Variants in RPH3AL observed in about 807,000 individuals in gnomAD.
RPH3AL encodes the protein rab effector Noc2.
Under a neutral mutation model 43.1 loss-of-function variants are expected in RPH3AL, and 38 were observed. The ratio of observed to expected loss-of-function variants is 0.88; its 90% confidence interval spans 0.68 to 1.15. The LOEUF (loss-of-function observed/expected upper bound fraction) is 1.15. RPH3AL is among the 50% of genes most tolerant of loss of function. The pLI, the probability that RPH3AL is intolerant of heterozygous loss-of-function variation, is 0.00. For synonymous variants in RPH3AL, 189 were observed against 176.3 expected, an observed-to-expected ratio of 1.07 and a Z score of -0.57; for missense variants, 462 against 423.2, an observed-to-expected ratio of 1.09 and a Z score of -0.81.
intron 1 of RPH3AL, among the ~76,000 whole-genome samples, chr17:344,234 TTACA>T (rs1420377410): frequency 7.8e-6 from 1 of 127,940 alleles, no homozygotes; most frequent in Non-Finnish European, 1.8e-5. Context: ...ACCATCACTG[TTACA>T]TCATCATCAT....
At chr17:345,929 G>A (rs2045230961) in intron 1 of RPH3AL, among the ~76,000 whole-genome samples, 1 of 135,288 alleles carries the variant, frequency 7.4e-6, no homozygotes, top group African/African-American at 2.5e-5. Flanking sequence ...AGTGGGCTCT[G>A]AGTCTCGAAG....
chr17:252,498 C>T (rs1279898060), intron 6 of RPH3AL, among the ~76,000 whole-genome samples: 3 of 152,138 alleles, frequency 2.0e-5, no homozygotes, highest in African/African-American at 7.2e-5. Context: ...CCCACCCTGT[C>T]CCCCAACACC....
rs760211086 is a variant in RPH3AL, at chr17:219,726, A to G, written c.624T>C (p.Ser208=). ...YTWARGRVVS[S]DSDSDSDLSS... is the part of the protein sequence containing the mutation. ...TAAGATCCGAGTCACTGTCACTGTC[A>G]CTGGAAACCACTGGAAGAGACAGAC... Residue 208 remains serine (S), a synonymous_variant, in exon 8 of 10, where the codon AGT becomes AGC. Transcript: ENST00000331302. 1 of 1,611,096 alleles carries G rather than the reference A, an allele frequency of 6.2e-7. No individual in the cohort carries two copies. Among genetic ancestry groups the G allele is most frequent in the South Asian group, 1.1e-5 (1 of 91,028 alleles).
At chr17:316,396 CATTGT>C (rs2044188737) in intron 5 of RPH3AL, among the ~76,000 whole-genome samples, 1 of 151,506 alleles carries the variant, frequency 6.6e-6, no homozygotes, top group South Asian at 2.1e-4. Context: ...CACCCACCTC[CATTGT>C]CCTGTAGTCC....
intron 6 of RPH3AL, among the ~76,000 whole-genome samples, chr17:272,993 G>GGAGAGACCCCAGCGAGGGCGAC (rs1408697689): frequency 1.7e-5 from 2 of 118,362 alleles, no homozygotes; most frequent in African/African-American, 5.6e-5. Context: ...GCTACGTCAG[G>GGAGAGACCCCAGCGAGGGCGAC]GTGAGACCCC....
At chr17:214,918 G>A (rs977063225) in intron 9 of RPH3AL, among the ~76,000 whole-genome samples, 3 of 152,140 alleles carry the variant, frequency 2.0e-5, no homozygotes, top group Non-Finnish European at 4.4e-5. Flanking sequence ...TAGAGGGAGG[G>A]GGCAGGGTCC....
intron 1 of RPH3AL, among the ~76,000 whole-genome samples, chr17:340,446 A>T (rs370234753): frequency 6.6e-4 from 4 of 6,096 alleles, no homozygotes; most frequent in East Asian, 3.2e-3. Context: ...ACTGCCCCCC[A>T]CCCAGGCCTC....
At chr17:281,957 A>G in intron 5 of RPH3AL, 103 bp from the exon 6 acceptor site, 1 of 841,456 alleles carries the variant, frequency 1.2e-6, no homozygotes, top group South Asian at 1.4e-5. Flanking sequence ...TCTTCCAAGG[A>G]GCGTCTCTTG....
chr17:249,013 A>C (rs556047553), intron 6 of RPH3AL, among the ~76,000 whole-genome samples: 68 of 152,278 alleles, frequency 4.5e-4, no homozygotes, highest in African/African-American at 1.6e-3. Context: ...CAGATGGGAC[A>C]GCCTCTCCAA....
chr17:232,146 TC>T (rs1333336507), intron 7 of RPH3AL, among the ~76,000 whole-genome samples: 15 of 152,170 alleles, frequency 9.9e-5, no homozygotes, highest in Admixed American at 9.2e-4. Context: ...GGGCCTCTAC[TC>T]CCCTGAGATT....
chr17:279,809 G>T (rs1271862102), intron 6 of RPH3AL, among the ~76,000 whole-genome samples: 1 of 152,174 alleles, frequency 6.6e-6, no homozygotes, highest in Non-Finnish European at 1.5e-5. Context: ...AAGGACCTCA[G>T]GTTCAAAGGG....
In RPH3AL at chr17:332,980, A is replaced by T. The variant is rs183604906; in HGVS notation, c.-37+779T>A. The T allele has an allele frequency of 8.5e-4, 1,086 of 1,275,758 alleles. 6 individuals carry two copies. In the African/African-American group the frequency reaches 0.015, roughly 17 times the overall value. 79.0% of individuals were successfully genotyped at this position (1,275,758 alleles called of 1,614,324 possible). A position where few individuals can be genotyped will look rare whatever the true frequency, so the allele number is the denominator to read the frequency against. ...GTTGCCGGTGATAATTTCCCGAAAA[A>T]TTCCTAGGGGACAGAGGCTCATCAG... On this transcript the variant is annotated intron_variant, in intron 2 of 9. Transcript: ENST00000331302.
Position 279,288 on chromosome 17 carries a change from C to T in RPH3AL, c.438+2480G>A, listed in dbSNP as rs559136449. ...TCTGGTACCCACAGGTACCCAGGCT[C>T]ATATACCATGAACATGTTCCCAGCC... On this transcript the variant is annotated intron_variant, in intron 6 of 9. Coordinates refer to ENST00000331302, the MANE Select transcript of RPH3AL (RefSeq NM_006987.4). 1.4e-4 allele frequency among the ~76,000 whole-genome samples: 21 copies of T among 152,306 alleles called. No individual in the cohort carries two copies. In the South Asian group the frequency reaches 4.4e-3, roughly 32 times the overall value.
chr17:297,442 G>A (rs2043210620), intron 5 of RPH3AL, among the ~76,000 whole-genome samples: 1 of 152,212 alleles, frequency 6.6e-6, no homozygotes, highest in South Asian at 2.1e-4. Context: ...GGCATCTGAG[G>A]CGGGGGACAG....
rs2151595832 is a variant in RPH3AL, at chr17:274,409, G to A, written c.438+7359C>T. On this transcript the variant is annotated intron_variant, in intron 6 of 9. Coordinates refer to ENST00000331302, the MANE Select transcript of RPH3AL (RefSeq NM_006987.4). The surrounding 1 kb of genome is among the most constrained non-coding windows in gnomAD (Gnocchi z 4.7). ...TGGGCAGCCTTCCTGGCACTTCAGGGCTGCCAGTTCCTGGGGCCACAGGGG... is the reference window on the plus strand; with the variant it reads ...TGGGCAGCCTTCCTGGCACTTCAGGACTGCCAGTTCCTGGGGCCACAGGGG... 1.3e-5 allele frequency among the ~76,000 whole-genome samples: 2 copies of A among 152,362 alleles called. No homozygotes were observed. Among genetic ancestry groups the A allele is most frequent in the Middle Eastern group, 3.4e-3 (1 of 294 alleles).
chr17:284,838 G>A (rs997864137), intron 5 of RPH3AL, among the ~76,000 whole-genome samples: 4 of 152,316 alleles, frequency 2.6e-5, no homozygotes, highest in Admixed American at 6.5e-5. Context: ...TGACGGCCCC[G>A]GTCGGGGTGC....
At chr17:239,141 C>T (rs930968963) in intron 7 of RPH3AL, among the ~76,000 whole-genome samples, 1 of 152,152 alleles carries the variant, frequency 6.6e-6, no homozygotes, top group Non-Finnish European at 1.5e-5. Context: ...ACTCCTTGGC[C>T]AAAATCAATA....
intron 5 of RPH3AL, chr17:306,508 G>C (rs914939568): frequency 6.6e-6 from 1 of 152,202 alleles, no homozygotes; most frequent in African/African-American, 2.4e-5. Context: ...TACCCCTAGA[G>C]TGAGCTCTCC....
intron 5 of RPH3AL, among the ~76,000 whole-genome samples, chr17:292,951 A>G (rs1396095592): frequency 6.6e-6 from 1 of 152,238 alleles, no homozygotes; most frequent in Non-Finnish European, 1.5e-5. Flanking sequence ...AGCCAGAGGC[A>G]AGTGGAGAAA....
Sources: gnomAD v4.1 joint callset for allele counts (sites outside exome capture counted in the v4.1 genomes callset) on GRCh38, gnomAD v4.1.1 for gene constraint, Gnocchi (gnomAD v3.1) non-coding constraint, MANE v1.5 for transcripts, NCBI Gene and HGNC (gene_info 2026-07-23, HGNC 2026-07-21) for gene names.